The following TMEM232 variants were observed in gnomAD, a reference collection of about 807,000 sequenced individuals.
TMEM232 encodes transmembrane protein 232.
In TMEM232, 80 loss-of-function variants were observed where a neutral mutation model predicts 78.8. That is an observed-to-expected ratio of 1.01 (90% CI 0.85 to 1.22). TMEM232 has a LOEUF of 1.22. Among genes scored for constraint, TMEM232 ranks in the 50% most tolerant of loss-of-function variants. The probability of loss-of-function intolerance (pLI) is 0.00; values close to 1 mark genes in which losing one functional copy is unlikely to be tolerated. For missense variants in TMEM232, 881 were observed against 742.2 expected, an observed-to-expected ratio of 1.19 and a Z score of -2.17; for synonymous variants, 297 against 254.3, an observed-to-expected ratio of 1.17 and a Z score of -1.60.
intron 12 of TMEM232, among the ~76,000 whole-genome samples, chr5:110,443,361 T>C (rs1759275722): frequency 6.6e-6 from 1 of 152,112 alleles, no homozygotes; most frequent in African/African-American, 2.4e-5. Flanking sequence ...TTGTGGCCAC[T>C]AATACCACTG....
chr5:110,600,473 A>G (rs1188278328), intron 10 of TMEM232, among the ~76,000 whole-genome samples: 1 of 152,194 alleles, frequency 6.6e-6, no homozygotes, highest in African/African-American at 2.4e-5. Context: ...AAAAATGATA[A>G]AGGGGACATC....
At chr5:110,597,718 C>T (rs1184675491) in intron 10 of TMEM232, among the ~76,000 whole-genome samples, 1 of 151,622 alleles carries the variant, frequency 6.6e-6, no homozygotes, top group Non-Finnish European at 1.5e-5. Context: ...CGCATATCTA[C>T]AACTATCTGA....
chr5:110,440,959 G>A (rs937788960), intron 12 of TMEM232, among the ~76,000 whole-genome samples: 1 of 152,142 alleles, frequency 6.6e-6, no homozygotes, highest in Admixed American at 6.6e-5. Context: ...TAGGAATCTA[G>A]GCTCTTTCCA....
intron 12 of TMEM232, among the ~76,000 whole-genome samples, chr5:110,426,575 A>G (rs1347597630): frequency 6.6e-6 from 1 of 152,036 alleles, no homozygotes; most frequent in African/African-American, 2.4e-5. Flanking sequence ...TAGAGTTGAC[A>G]GTAGGAGTTC....
At chr5:110,634,635 A>G (rs1785562241) in intron 5 of TMEM232, among the ~76,000 whole-genome samples, 1 of 152,124 alleles carries the variant, frequency 6.6e-6, no homozygotes, top group African/African-American at 2.4e-5. Context: ...AATTAAAAAA[A>G]AAAGTTTTGA....
intron 11 of TMEM232, among the ~76,000 whole-genome samples, chr5:110,537,975 C>A (rs1045076075): frequency 1.3e-5 from 2 of 152,140 alleles, no homozygotes; most frequent in African/African-American, 4.8e-5. Context: ...CATCTGAATC[C>A]TTTAGGGCAA....
chr5:110,511,362 C>T (rs1309605229), intron 12 of TMEM232, among the ~76,000 whole-genome samples: 1 of 151,558 alleles, frequency 6.6e-6, no homozygotes, highest in Non-Finnish European at 1.5e-5. Context: ...TTGATGGGTA[C>T]AGCAAACCAC....
chr5:110,639,110 T>C (rs1786313643), intron 4 of TMEM232, among the ~76,000 whole-genome samples: 2 of 150,678 alleles, frequency 1.3e-5, no homozygotes, highest in South Asian at 4.2e-4. Context: ...AGGAAGGAGG[T>C]CAGTAGGGCT....
At chr5:110,523,649 T>C (rs1037170462) in intron 12 of TMEM232, among the ~76,000 whole-genome samples, 3 of 152,058 alleles carry the variant, frequency 2.0e-5, no homozygotes, top group African/African-American at 7.2e-5. Flanking sequence ...CTCAAAAGTG[T>C]GTTGTTTACT....
intron 4 of TMEM232, among the ~76,000 whole-genome samples, chr5:110,389,416 C>A (rs1284476625): frequency 6.6e-6 from 1 of 152,126 alleles, no homozygotes; most frequent in Non-Finnish European, 1.5e-5. Context: ...CTAACACTGG[C>A]AAAAACCAAA....
At chr5:110,610,240 A>AAGGAAGGGGGGAAGGGAGGAAGGG (rs1782049303) in intron 8 of TMEM232, among the ~76,000 whole-genome samples, 1 of 70,124 alleles carries the variant, frequency 1.4e-5, no homozygotes, top group Admixed American at 1.7e-4. Context: ...AAAAGAAAGG[A>AAGGAAGGGGGGAAGGGAGGAAGGG]AGGAAGGGAG....
At chr5:110,690,508 G>A (rs1319571625) in intron 1 of TMEM232, among the ~76,000 whole-genome samples, 7 of 152,106 alleles carry the variant, frequency 4.6e-5, no homozygotes, top group East Asian at 1.9e-4. Context: ...AAATAGGAAC[G>A]CTTTTACACT....
intron 5 of TMEM232, among the ~76,000 whole-genome samples, chr5:110,636,658 A>C (rs1445531613): frequency 6.6e-6 from 1 of 151,910 alleles, no homozygotes; most frequent in Non-Finnish European, 1.5e-5. Flanking sequence ...GAATATCAAA[A>C]CTCTCTCTGC....
chr5:110,653,865 G>A (rs1196775616), intron 2 of TMEM232, among the ~76,000 whole-genome samples: 3 of 152,106 alleles, frequency 2.0e-5, no homozygotes, highest in East Asian at 3.9e-4. Context: ...CAAGCATGAG[G>A]AAATGGATAA....
At chr5:110,707,969 T>C (rs1057107687) in intron 1 of TMEM232, among the ~76,000 whole-genome samples, 3 of 152,158 alleles carry the variant, frequency 2.0e-5, no homozygotes, top group Admixed American at 1.3e-4. Flanking sequence ...ATTCATCACC[T>C]GCTAACTAAA....
At chr5:110,534,363 A>C (rs1354513992) in intron 11 of TMEM232, among the ~76,000 whole-genome samples, 2 of 152,218 alleles carry the variant, frequency 1.3e-5, no homozygotes, top group African/African-American at 2.4e-5. Flanking sequence ...TCTTTCAAAA[A>C]CACACCTCAC....
chr5:110,404,708 G>T (rs1384152362), intron 2 of TMEM232, among the ~76,000 whole-genome samples: 7 of 151,958 alleles, frequency 4.6e-5, no homozygotes, highest in Non-Finnish European at 1.5e-5. Context: ...TTTCTAAGGG[G>T]CGAAAAAGGA....
chr5:110,680,712 A>G (rs1222026537), intron 1 of TMEM232, among the ~76,000 whole-genome samples: 1 of 152,052 alleles, frequency 6.6e-6, no homozygotes, highest in South Asian at 2.1e-4. Flanking sequence ...TTTTGGAAAA[A>G]AAATAGAAAA....
chr5:110,689,070 T>G (rs1793773524), intron 1 of TMEM232, among the ~76,000 whole-genome samples: 1 of 152,186 alleles, frequency 6.6e-6, no homozygotes, highest in Admixed American at 6.5e-5. Flanking sequence ...CTTTCCCTTT[T>G]AAATTTGGAC....
Sources: gnomAD v4.1 joint callset for allele counts (sites outside exome capture counted in the v4.1 genomes callset) on GRCh38, gnomAD v4.1.1 for gene constraint, MANE v1.5 for transcripts, NCBI Gene and HGNC (gene_info 2026-07-23, HGNC 2026-07-21) for gene names.